The following KDM4B variants were observed in gnomAD, a reference collection of about 807,000 sequenced individuals.
The protein encoded by KDM4B is lysine demethylase 4B, also known as lysine-specific demethylase 4B.
A neutral mutation model predicts 125.2 loss-of-function variants in KDM4B; 32 were observed. The ratio of observed to expected loss-of-function variants is 0.26; its 90% CI spans 0.19 to 0.34. The LOEUF is 0.34. Ranked by LOEUF, KDM4B falls within the 10% of genes least tolerant of loss-of-function variation. The pLI is 1.00. For missense variants in KDM4B, 1,190 were observed against 1,577.7 expected (o/e 0.75, Z 4.16); for synonymous variants, 721 against 677.9 (o/e 1.06, Z -0.99).
intron 9 of KDM4B, among the ~76,000 whole-genome samples, chr19:5,109,244 C>T (rs145806775): frequency 6.6e-6 from 1 of 152,296 alleles, no homozygotes. Context: ...CAGCCTCATC[C>T]CAGTAGGTAC....
chr19:5,057,065 T>TGTGCGTGC (rs55806859), intron 6 of KDM4B, among the ~76,000 whole-genome samples: 1 of 128,322 alleles, frequency 7.8e-6, no homozygotes, highest in South Asian at 2.4e-4. Flanking sequence ...TGTGTGTGTG[T>TGTGCGTGC]GCGCGCGCGC....
At chr19:5,046,675 G>A (rs1169589009) in intron 5 of KDM4B, among the ~76,000 whole-genome samples, 1 of 152,210 alleles carries the variant, frequency 6.6e-6, no homozygotes, top group Non-Finnish European at 1.5e-5. Context: ...TGTGCCTGGT[G>A]GGTGGGGATT....
At chr19:5,106,115 G>A (rs2039028610) in intron 9 of KDM4B, among the ~76,000 whole-genome samples, 2 of 152,286 alleles carry the variant, frequency 1.3e-5, no homozygotes, top group South Asian at 4.1e-4. Context: ...GTTTCTTCAG[G>A]TAACAGACAC....
At chr19:4,977,022 TTTTC>T (rs1307104782) in intron 1 of KDM4B, among the ~76,000 whole-genome samples, 1 of 152,032 alleles carries the variant, frequency 6.6e-6, no homozygotes, top group Non-Finnish European at 1.5e-5. Context: ...CTTTTTTTCT[TTTTC>T]TTTTTCTTTT....
intron 9 of KDM4B, among the ~76,000 whole-genome samples, chr19:5,109,547 C>T (rs1250503096): frequency 2.6e-5 from 4 of 152,214 alleles, no homozygotes; most frequent in East Asian, 3.9e-4. Flanking sequence ...CCTTGCCACT[C>T]GCTTGACGTT....
intron 1 of KDM4B, among the ~76,000 whole-genome samples, chr19:5,003,994 T>G (rs1226594867): frequency 6.6e-6 from 1 of 152,208 alleles, no homozygotes; most frequent in Non-Finnish European, 1.5e-5. Flanking sequence ...TGGGTGCGTC[T>G]GGCTCCCCTC....
At chr19:5,139,231 T>A in intron 18 of KDM4B, among the ~76,000 whole-genome samples, 1 of 152,160 alleles carries the variant, frequency 6.6e-6, no homozygotes, top group East Asian at 1.9e-4. Context: ...TGGCATAGTT[T>A]CCTCAAGGTT....
rs1000732240 is a variant in KDM4B at position 5,081,991 on chromosome 19, C to G, written c.781-376C>G. On this transcript the variant is annotated intron_variant, in intron 8 of 22. Transcript: ENST00000159111. This position sits in a 1 kb window ranked among gnomAD's most constrained non-coding sequence, Gnocchi z 4.2. ...CCTCCAAAGCAGGAGGCCCCCATCG[C>G]TCCCCATGAAGGTCCGGCTGGAGAC... Among the ~76,000 whole-genome samples the G allele has an allele frequency of 1.3e-5, 2 of 152,146 alleles. No homozygotes were observed. The highest frequency in any genetic ancestry group is 2.4e-5 in the African/African-American group (1 of 41,442).
At chr19:5,124,745 G>A (rs1171798063) in intron 11 of KDM4B, among the ~76,000 whole-genome samples, 13 of 152,128 alleles carry the variant, frequency 8.5e-5, no homozygotes, top group African/African-American at 2.9e-4. Context: ...ACAGGCGCCC[G>A]CCACCATGCC....
intron 5 of KDM4B, among the ~76,000 whole-genome samples, chr19:5,042,681 A>AG (rs372964471): frequency 0.024 from 3,448 of 145,174 alleles, 36 homozygotes; most frequent in African/African-American, 0.028. Context: ...GGAGAGAGTG[A>AG]GGGGGGGGGC....
At chr19:4,976,466 C>T (rs1012500070) in intron 1 of KDM4B, among the ~76,000 whole-genome samples, 1 of 152,202 alleles carries the variant, frequency 6.6e-6, no homozygotes, top group African/African-American at 2.4e-5. Context: ...TACAGCTCAC[C>T]AAGCGTCAGA....
intron 9 of KDM4B, among the ~76,000 whole-genome samples, chr19:5,091,104 A>G (rs960369431): frequency 7.2e-5 from 11 of 152,186 alleles, no homozygotes; most frequent in Non-Finnish European, 1.3e-4. Context: ...CGCTGAACTC[A>G]AGTTAGTCCT....
In KDM4B at chr19:5,131,499, G is replaced by A. The variant is rs760521957; in HGVS notation, c.1739G>A (p.Ser580Asn). Reference protein sequence around the residue: ...LTGPEDGAASSGAGRMETKAR... With the variant: ...LTGPEDGAASNGAGRMETKAR... ...GGGCCAGAGGACGGTGCAGCCAGCA[G>A]TGGGGCAGGTCGCATGGAGACCAAA... is the stretch of plus-strand genomic sequence containing the variant. The change falls in exon 12 of 23, where the codon AGT (serine) becomes AAT (asparagine). Residue 580 changes from serine (S) to asparagine (N), a missense_variant. This residue lies in a region of KDM4B where 428 missense variants were observed against 405.1 expected (regional missense o/e 1.06). Coordinates refer to ENST00000159111, the MANE Select transcript of KDM4B (RefSeq NM_015015.3). 6.6e-7 allele frequency: 1 copy of A among 1,505,738 alleles called. No individual in the cohort carries two copies. The highest frequency in any genetic ancestry group is 1.1e-5 in the South Asian group (1 of 87,236). 93.3% of individuals were successfully genotyped at this position (1,505,738 alleles called of 1,614,324 possible).
At chr19:5,085,786 G>C (rs1381829883) in intron 9 of KDM4B, among the ~76,000 whole-genome samples, 2 of 152,204 alleles carry the variant, frequency 1.3e-5, no homozygotes, top group Admixed American at 1.3e-4. Flanking sequence ...GTGGCCGTCG[G>C]GGGGGTCGGT....
chr19:5,036,040 C>T (rs952106704), intron 3 of KDM4B, among the ~76,000 whole-genome samples: 35 of 152,198 alleles, frequency 2.3e-4, no homozygotes, highest in African/African-American at 7.7e-4. Flanking sequence ...CTCAGGGAAG[C>T]ATCTGCTCTG....
chr19:5,136,852 C>T (rs1218625831), intron 15 of KDM4B, among the ~76,000 whole-genome samples: 1 of 152,180 alleles, frequency 6.6e-6, no homozygotes, highest in Non-Finnish European at 1.5e-5. Flanking sequence ...TTTCCAGACC[C>T]AGGGCCACAT....
At position 5,094,170 on chromosome 19, in the gene KDM4B, T is replaced by C. The variant is rs530873356; in HGVS notation, c.918+11666T>C. ...CTGTCTTTGTGTCCTCTTGTCTGCT[T>C]CTAAGGGCACCAGGTGCTGACCCCC... On this transcript the variant is annotated intron_variant, in intron 9 of 22. Transcript: ENST00000159111. Among the ~76,000 whole-genome samples, 242 of 152,258 alleles carry C rather than the reference T, an allele frequency of 1.6e-3. 1 individual carries two copies. Among genetic ancestry groups the C allele is most frequent in the African/African-American group, 5.6e-3 (234 of 41,558 alleles).
At chr19:5,107,574 G>T (rs898753499) in intron 9 of KDM4B, among the ~76,000 whole-genome samples, 9 of 152,206 alleles carry the variant, frequency 5.9e-5, no homozygotes, top group Non-Finnish European at 1.3e-4. Flanking sequence ...CCTCCGGCCT[G>T]CTCTGAACCC....
At chr19:5,123,665 T>C (rs1460964351) in intron 11 of KDM4B, among the ~76,000 whole-genome samples, 1 of 152,102 alleles carries the variant, frequency 6.6e-6, no homozygotes, top group Non-Finnish European at 1.5e-5. Flanking sequence ...GCAGGGCCTG[T>C]GTCTACACTG....
Sources: gnomAD v4.1 joint callset for allele counts (sites outside exome capture counted in the v4.1 genomes callset) on GRCh38, gnomAD v4.1.1 for gene constraint, gnomAD v4.1.1 regional missense constraint, Gnocchi (gnomAD v3.1) non-coding constraint, MANE v1.5 for transcripts, NCBI Gene and HGNC (gene_info 2026-07-23, HGNC 2026-07-21) for gene names.